Variants in TUSC3 observed in about 807,000 individuals in gnomAD.
TUSC3 encodes the protein tumor suppressor candidate 3, also known as dolichyl-diphosphooligosaccharide--protein glycosyltransferase subunit TUSC3.
In TUSC3, 45 loss-of-function variants were observed where a neutral mutation model predicts 44.8. The ratio of observed to expected loss-of-function variants is 1.00; its 90% CI spans 0.79 to 1.29. The LOEUF is 1.29. Among genes scored for constraint, TUSC3 ranks in the 50% most tolerant of loss-of-function variants. TUSC3 has a pLI of 0.00. For missense variants in TUSC3, 519 were observed against 437.9 expected (o/e 1.19, Z -1.65); for synonymous variants, 212 against 152.9 (o/e 1.39, Z -2.85).
chr8:15,704,573 A>G (rs1585249146), intron 6 of TUSC3, among the ~76,000 whole-genome samples: 2 of 152,150 alleles, frequency 1.3e-5, no homozygotes, highest in Admixed American at 6.6e-5. Context: ...GTTTATGACA[A>G]CTACTAAACT....
At chr8:15,770,174 A>G (rs111992699), downstream of TUSC3, among the ~76,000 whole-genome samples, 357 of 152,338 alleles carry the variant, frequency 2.3e-3, 3 homozygotes, top group African/African-American at 8.0e-3. Context: ...ATGTCCATCA[A>G]TGATAGACTG....
intron 1 of TUSC3, among the ~76,000 whole-genome samples, chr8:15,569,956 G>A (rs532678591): frequency 6.6e-6 from 1 of 151,928 alleles, no homozygotes; most frequent in South Asian, 2.1e-4. Flanking sequence ...TCACTTCATC[G>A]CTTAAGAGGC....
chr8:15,608,132 C>A (rs1804612967), intron 1 of TUSC3, among the ~76,000 whole-genome samples: 1 of 152,046 alleles, frequency 6.6e-6, no homozygotes, highest in South Asian at 2.1e-4. Flanking sequence ...TTGGCTTTTA[C>A]CATAGCTTAT....
intron 2 of TUSC3, among the ~76,000 whole-genome samples, chr8:15,527,568 C>T (rs868066029): frequency 6.6e-6 from 1 of 152,030 alleles, no homozygotes; most frequent in African/African-American, 2.4e-5. Context: ...TTAATTTGAA[C>T]TTTGATTTTT....
the TUSC3 span, among the ~76,000 whole-genome samples, chr8:15,840,336 C>G: frequency 1.3e-5 from 2 of 152,092 alleles, no homozygotes; most frequent in South Asian, 4.2e-4. Context: ...TGTAACAAAC[C>G]TGCACGTTGT....
At chr8:15,743,700 A>G (rs1811290288) in intron 8 of TUSC3, 88 bp downstream of exon 8, 1 of 1,375,848 alleles carries the variant, frequency 7.3e-7, no homozygotes, top group South Asian at 1.2e-5. Flanking sequence ...AGCCCTTTGT[A>G]AACAAACTTC....
At chr8:15,585,734 TA>T (rs1158866229) in intron 1 of TUSC3, among the ~76,000 whole-genome samples, 1 of 152,190 alleles carries the variant, frequency 6.6e-6, no homozygotes, top group Non-Finnish European at 1.5e-5. Flanking sequence ...TAGCCTTTTT[TA>T]CCTGTTCGAC....
intron 4 of TUSC3, among the ~76,000 whole-genome samples, chr8:15,659,870 AG>A (rs932586214): frequency 1.3e-5 from 2 of 152,144 alleles, no homozygotes; most frequent in African/African-American, 4.8e-5. Context: ...TTAAAAATAC[AG>A]GAGTTAAGCA....
chr8:15,721,765 C>T (rs1288678525), intron 6 of TUSC3, among the ~76,000 whole-genome samples: 1 of 151,988 alleles, frequency 6.6e-6, no homozygotes, highest in Non-Finnish European at 1.5e-5. Context: ...ATTACTTAAG[C>T]AGTTCAGTCA....
intron 2 of TUSC3, among the ~76,000 whole-genome samples, chr8:15,526,937 G>A (rs1801380568): frequency 6.6e-6 from 1 of 152,140 alleles, no homozygotes; most frequent in Non-Finnish European, 1.5e-5. Flanking sequence ...GAGGTTTCTA[G>A]ATCATAAATA....
At chr8:15,504,621 ATTTTTTTTTT>A (rs869264757) in intron 2 of TUSC3, among the ~76,000 whole-genome samples, 24 of 20,294 alleles carry the variant, frequency 1.2e-3, no homozygotes, top group African/African-American at 4.9e-3. Context: ...ATATATATAT[ATTTTTTTTTT>A]TTTTTTTTTT....
downstream of TUSC3, among the ~76,000 whole-genome samples, chr8:15,771,172 AT>A (rs1307218676): frequency 6.6e-6 from 1 of 152,208 alleles, no homozygotes; most frequent in Non-Finnish European, 1.5e-5. Context: ...AAAATGAAGG[AT>A]AAAGTAGTAC....
intron 6 of TUSC3, among the ~76,000 whole-genome samples, chr8:15,685,379 T>G (rs1017213478): frequency 6.6e-6 from 1 of 152,118 alleles, no homozygotes; most frequent in African/African-American, 2.4e-5. Flanking sequence ...TCTTCTCTAT[T>G]GACTTGATGC....
Position 15,642,047 on chromosome 8 carries a change from T to G in TUSC3, c.309-8650T>G, listed in dbSNP as rs181235212. Among the ~76,000 whole-genome samples, 20 of 152,320 alleles carry G rather than the reference T, an allele frequency of 1.3e-4. No individual in the cohort carries two copies. The East Asian group carries it at 3.7e-3, about 28-fold the overall frequency. On this transcript the variant is annotated intron_variant, in intron 2 of 10. Coordinates refer to ENST00000503731, the MANE Select transcript of TUSC3 (RefSeq NM_006765.4). ...TTTTAATATACCAGTTATACCTCAT[T>G]GAAGCTGGGGGAAAAGAATAGTCCA...
chr8:15,471,004 A>T (rs1800485067), intron 1 of TUSC3, among the ~76,000 whole-genome samples: 1 of 152,208 alleles, frequency 6.6e-6, no homozygotes, highest in Non-Finnish European at 1.5e-5. Flanking sequence ...TCAAAATTTC[A>T]TCAAGTAGAT....
chr8:15,806,703 C>G, the TUSC3 span: 2 of 888,518 alleles, frequency 2.3e-6, no homozygotes, highest in Non-Finnish European at 3.7e-6. Context: ...TAATCAAAAT[C>G]CCCAAGGGCT....
the TUSC3 span, among the ~76,000 whole-genome samples, chr8:15,783,975 A>C: frequency 6.6e-6 from 1 of 152,200 alleles, no homozygotes; most frequent in Non-Finnish European, 1.5e-5. Context: ...CAGACAAAAT[A>C]TATAAGTAAC....
At chr8:15,715,452 A>T (rs923142954) in intron 6 of TUSC3, among the ~76,000 whole-genome samples, 3 of 152,150 alleles carry the variant, frequency 2.0e-5, no homozygotes, top group Non-Finnish European at 4.4e-5. Flanking sequence ...ACTAATGGGA[A>T]GGTAGCATGT....
At chr8:15,445,891 CG>C (rs1464223485) in intron 1 of TUSC3, among the ~76,000 whole-genome samples, 2 of 149,948 alleles carry the variant, frequency 1.3e-5, no homozygotes, top group Admixed American at 6.6e-5. Flanking sequence ...ACTTCCCAGA[CG>C]GGGCGGCCGG....
Sources: allele counts gnomAD v4.1 joint callset (sites outside exome capture counted in the v4.1 genomes callset), GRCh38; gene constraint gnomAD v4.1.1; transcripts MANE v1.5; gene names NCBI Gene and HGNC (gene_info 2026-07-23, HGNC 2026-07-21).